RAI14: variants seen among roughly 807,000 people sequenced by gnomAD.
The protein encoded by RAI14 is retinoic acid induced 14.
In RAI14, 45 loss-of-function variants were observed where a neutral mutation model predicts 115.4. The observed-to-expected ratio is 0.39, with a 90% CI of 0.31 to 0.50. The LOEUF (loss-of-function observed/expected upper bound fraction) is 0.50. RAI14 is among the 20% of genes least tolerant of loss of function. The pLI is 0.85. For synonymous variants in RAI14, 371 were observed against 415.4 expected (o/e 0.89, Z 1.30); for missense variants, 939 against 1,131.2 (o/e 0.83, Z 2.44).
chr5:34,790,978 G>A (rs766297592), intron 3 of RAI14, among the ~76,000 whole-genome samples: 27 of 152,126 alleles, frequency 1.8e-4, no homozygotes, highest in Non-Finnish European at 2.9e-4. Context: ...TAGAGTCTGC[G>A]TCAAGTAGAA....
At chr5:34,761,828 A>G (rs556317028) in intron 3 of RAI14, among the ~76,000 whole-genome samples, 1 of 152,128 alleles carries the variant, frequency 6.6e-6, no homozygotes, top group African/African-American at 2.4e-5. Flanking sequence ...GGGTCTTGCC[A>G]TATTGCCCAG....
chr5:34,665,198 T>TATATATATATATACACAC (rs369742853), intron 1 of RAI14, among the ~76,000 whole-genome samples: 4 of 75,710 alleles, frequency 5.3e-5, no homozygotes, highest in African/African-American at 2.0e-4. Context: ...TGTATATATA[T>TATATATATATATACACAC]ACACACACCA....
rs1161125086 is a variant in RAI14 at position 34,790,926 on chromosome 5, G to A, written c.168-5013G>A. Among the ~76,000 whole-genome samples the A allele has an allele frequency of 7.2e-5, 11 of 152,092 alleles. No homozygotes were observed. The East Asian group carries it at 1.7e-3, about 24-fold the overall frequency. ...CCACAATTCTAGCATATACTTCAAT[G>A]AGTAATATGTCAGTGACTCTGATAA... On this transcript the variant is annotated intron_variant, in intron 3 of 17. Transcript: ENST00000265109.
intron 2 of RAI14, among the ~76,000 whole-genome samples, chr5:34,726,739 GT>G (rs34330763): frequency 0.38 from 57,534 of 151,990 alleles, 11,492 homozygotes; most frequent in Middle Eastern, 0.52. Context: ...ATAAAGGGGA[GT>G]TCTTCTGCAC....
chr5:34,681,979 G>A (rs545157187), intron 1 of RAI14, among the ~76,000 whole-genome samples: 1 of 150,576 alleles, frequency 6.6e-6, no homozygotes, highest in South Asian at 2.1e-4. Flanking sequence ...CCTCAGCCTC[G>A]GCAGTATCTG....
At chr5:34,686,064 T>C (rs1579904034) in intron 1 of RAI14, among the ~76,000 whole-genome samples, 1 of 152,266 alleles carries the variant, frequency 6.6e-6, no homozygotes, top group South Asian at 2.1e-4. Context: ...GAACAAACAC[T>C]GAGAAAAATA....
Position 34,811,424 on chromosome 5 carries a change from A to G in RAI14, c.557+306A>G, listed in dbSNP as rs545116527. On this transcript the variant is annotated intron_variant, in intron 8 of 17. Coordinates refer to ENST00000265109, the MANE Select transcript of RAI14 (RefSeq NM_015577.3). ...CAAACCTATTGGTTGTTTTGGAGAAATGGTCTTAGAAATATATATGTTATT... is the reference window on the plus strand; with the variant it reads ...CAAACCTATTGGTTGTTTTGGAGAAGTGGTCTTAGAAATATATATGTTATT... Among the ~76,000 whole-genome samples, 4 of 152,316 alleles carry G rather than the reference A, an allele frequency of 2.6e-5. No homozygotes were observed. The South Asian group carries it at 8.3e-4, about 32-fold the overall frequency.
At chr5:34,753,235 T>C (rs334912) in intron 2 of RAI14, among the ~76,000 whole-genome samples, 92,732 of 151,922 alleles carry the variant, frequency 0.61, 29,086 homozygotes, top group African/African-American at 0.77. Flanking sequence ...AAAAGCCTTC[T>C]TTGATTCTAG....
chr5:34,719,951 T>C (rs947564094), intron 2 of RAI14, among the ~76,000 whole-genome samples: 6 of 152,140 alleles, frequency 3.9e-5, no homozygotes, highest in Non-Finnish European at 7.3e-5. Flanking sequence ...CCACTTTGTC[T>C]CCATTACTAA....
intron 3 of RAI14, among the ~76,000 whole-genome samples, chr5:34,765,936 T>C (rs2150117492): frequency 6.6e-6 from 1 of 152,354 alleles, no homozygotes; most frequent in Non-Finnish European, 1.5e-5. Flanking sequence ...CAGCTGTGGC[T>C]GAAAGGGGCC....
Position 34,686,886 on chromosome 5 carries a change from C to T in RAI14, c.-34C>T, listed in dbSNP as rs1744948025. On this transcript the variant is annotated 5_prime_UTR_variant, in exon 2 of 18. Transcript: ENST00000265109. Reference sequence around the variant, plus strand: ...TCTCTGCTTAGGTGTTGAAAAGTCTCCTCTAGAGCTTTGGAAGGCTGAATG... The same window carrying T: ...TCTCTGCTTAGGTGTTGAAAAGTCTTCTCTAGAGCTTTGGAAGGCTGAATG... 4 of 1,611,996 alleles carry T rather than the reference C, an allele frequency of 2.5e-6. No homozygotes were observed. The South Asian group carries it at 3.3e-5, about 13-fold the overall frequency.
At chr5:34,772,779 G>T (rs371590332) in intron 3 of RAI14, among the ~76,000 whole-genome samples, 3 of 152,178 alleles carry the variant, frequency 2.0e-5, no homozygotes, top group South Asian at 2.1e-4. Context: ...AGGCTGCTAG[G>T]GACATCAGTG....
Position 34,823,845 on chromosome 5 carries a change from T to C in RAI14, c.2003T>C (p.Leu668Pro), listed in dbSNP as rs1374048169. The C allele has an allele frequency of 6.2e-7, 1 of 1,614,020 alleles. No homozygotes were observed. The highest frequency in any genetic ancestry group is 1.3e-5 in the African/African-American group (1 of 75,046). Residue 668 changes from leucine (L) to proline (P), a missense_variant, in exon 15 of 18, where the codon CTA becomes CCA. Coordinates refer to ENST00000265109, the MANE Select transcript of RAI14 (RefSeq NM_015577.3). The surrounding 1 kb of genome is among the most constrained non-coding windows in gnomAD (Gnocchi z 4.5). Reference sequence around the variant, plus strand: ...GAGGATTACAGGAAGAGGAAATCTCTAGAGGATGTCACAGCTGAATATATC... The same window carrying C: ...GAGGATTACAGGAAGAGGAAATCTCCAGAGGATGTCACAGCTGAATATATC... ...ELEDYRKRKSLEDVTAEYIHK... is the reference protein window; with the variant it reads ...ELEDYRKRKSPEDVTAEYIHK...
chr5:34,807,875 A>G lies in RAI14; in HGVS notation c.379+18A>G, dbSNP rs1207352396. ...TTATGCAGGTAACTTTCATTCTCCT[A>G]TTTGTCTTCTTCTGCCATTAGAAAC... On this transcript the variant is annotated intron_variant, in intron 6 of 17. Coordinates refer to ENST00000265109, the MANE Select transcript of RAI14 (RefSeq NM_015577.3). 5.0e-6 allele frequency: 8 copies of G among 1,597,894 alleles called. No homozygotes were observed. The South Asian group carries it at 6.6e-5, about 13-fold the overall frequency.
chr5:34,660,109 A>G (rs1044639209), intron 1 of RAI14, among the ~76,000 whole-genome samples: 14 of 151,982 alleles, frequency 9.2e-5, no homozygotes, highest in Non-Finnish European at 1.6e-4. Context: ...CCTGGATGTC[A>G]AGGCTGCAGT....
At chr5:34,688,518 C>T (rs1738158381) in intron 2 of RAI14, among the ~76,000 whole-genome samples, 1 of 151,996 alleles carries the variant, frequency 6.6e-6, no homozygotes, top group East Asian at 1.9e-4. Context: ...GTTAGAAAAA[C>T]TGAAATATTT....
intron 3 of RAI14, among the ~76,000 whole-genome samples, chr5:34,759,069 C>T (rs162910): frequency 0.17 from 25,836 of 152,062 alleles, 2,515 homozygotes; most frequent in African/African-American, 0.28. Flanking sequence ...TCAAGACCAG[C>T]CTGGCCAAAA....
At chr5:34,830,629 A>C in intron 17 of RAI14, 59 bp from the exon 18 acceptor site, 2 of 1,610,232 alleles carry the variant, frequency 1.2e-6, no homozygotes, top group Non-Finnish European at 1.7e-6. Flanking sequence ...TTCCCCAGAG[A>C]AGAAAGTGCC....
intron 10 of RAI14, 145 bp from the exon 11 acceptor site, chr5:34,813,429 A>G: frequency 1.8e-6 from 1 of 553,234 alleles, no homozygotes; most frequent in Non-Finnish European, 3.2e-6. Context: ...ATTTATTTTT[A>G]TGTTGGTAGC....
Sources: allele counts gnomAD v4.1 joint callset (sites outside exome capture counted in the v4.1 genomes callset), GRCh38; gene constraint gnomAD v4.1.1; non-coding constraint Gnocchi (gnomAD v3.1); transcripts MANE v1.5; gene names NCBI Gene and HGNC (gene_info 2026-07-23, HGNC 2026-07-21).